Variants in MNX1 observed in about 807,000 individuals in gnomAD.
MNX1 encodes motor neuron and pancreas homeobox 1.
A neutral mutation model predicts 17.3 loss-of-function variants in MNX1; 2 were observed. That is an observed-to-expected ratio of 0.12 (90% CI 0.05 to 0.36). MNX1 has a LOEUF of 0.36. MNX1 is among the 10% of genes least tolerant of loss of function. MNX1 has a pLI of 1.00. For missense variants in MNX1, 556 were observed against 564.7 expected (o/e 0.98, Z 0.16); for synonymous variants, 306 against 283.1 (o/e 1.08, Z -0.81).
At chr7:157,009,518 A>T in intron 1 of MNX1, 142 bp downstream of exon 1, 2 of 1,451,970 alleles carry the variant, frequency 1.4e-6, no homozygotes, top group Non-Finnish European at 1.8e-6. Context: ...GAGTCCTCGC[A>T]GGCCCCGGGC....
intron 2 of MNX1, 87 bp from the exon 3 acceptor site, chr7:157,005,960 C>T (rs1040991501): frequency 2.9e-5 from 44 of 1,505,436 alleles, no homozygotes; most frequent in Non-Finnish European, 3.6e-5. Flanking sequence ...TGCGCCTGGG[C>T]CCCATTGGGT....
rs1449868793 is a variant in MNX1, at chr7:157,009,947, CCAGCGGCGG to C, written c.395_403del (p.Ala132_Ala134del). 2 of 534,914 alleles carry C rather than the reference CCAGCGGCGG, an allele frequency of 3.7e-6. No homozygotes were observed. Among genetic ancestry groups the C allele is most frequent in the Non-Finnish European group, 4.5e-6 (2 of 444,420 alleles). The allele number at this position is 534,914 out of a possible 1,614,324, so 33.1% of individuals were successfully genotyped here. A position where few individuals can be genotyped will look rare whatever the true frequency, so the allele number is the denominator to read the frequency against. On this transcript the variant is annotated inframe_deletion, in exon 1 of 3. Coordinates refer to ENST00000252971, the MANE Select transcript of MNX1 (RefSeq NM_005515.4). Reference sequence around the variant, plus strand: ...AGGGTGCAGCCCCAGCGCCAGGCCCCCAGCGGCGGCGGCGGCGGCGGCGGCGGCGGCAGC... The same window carrying C: ...AGGGTGCAGCCCCAGCGCCAGGCCCCCGGCGGCGGCGGCGGCGGCGGCAGC...
In MNX1 at chr7:157,005,386, G is replaced by C; in HGVS notation, c.*134C>G. On this transcript the variant is annotated 3_prime_UTR_variant, in exon 3 of 3. Coordinates refer to ENST00000252971, the MANE Select transcript of MNX1 (RefSeq NM_005515.4). ...GCCGAATCCCTCCAGCCCCGGCCTG[G>C]GCGAGGGGTCCATGGGGCGGCGGTC... The C allele has an allele frequency of 3.7e-6, 2 of 539,134 alleles. No homozygotes were observed. The highest frequency in any genetic ancestry group is 5.3e-6 in the Non-Finnish European group (2 of 378,906). The allele number at this position is 539,134 out of a possible 1,614,324, so 33.4% of individuals were successfully genotyped here.
At position 157,010,397 on chromosome 7, in the gene MNX1, G is replaced by A. The variant is rs1398392573; in HGVS notation, c.-47C>T. On this transcript the variant is annotated 5_prime_UTR_variant, in exon 1 of 3. Transcript: ENST00000252971. The stretch of plus-strand genomic sequence containing the variant: ...TCAGGGCCCGGTGGCGGGCGACGCG[G>A]CCGTGTGCGGGCTCGCGGAGTCAGT... 1 of 1,504,848 alleles carries A rather than the reference G, an allele frequency of 6.6e-7. No individual in the cohort carries two copies. The highest frequency in any genetic ancestry group is 9.0e-7 in the Non-Finnish European group (1 of 1,107,412). The allele number at this position is 1,504,848 out of a possible 1,614,324, so 93.2% of individuals were successfully genotyped here. A position where few individuals can be genotyped will look rare whatever the true frequency, so the allele number is the denominator to read the frequency against.
chr7:157,006,031 G>A lies in MNX1; in HGVS notation c.853-158C>T, dbSNP rs1229179268. ...AAGCAGAATGGGGAGGGGGCTCGTA[G>A]CTTCCTCCTCCCCGCAACCCCCCAC... On this transcript the variant is annotated intron_variant, in intron 2 of 2. Transcript: ENST00000252971. This position sits in a 1 kb window ranked among gnomAD's most constrained non-coding sequence, Gnocchi z 6.3. Among the ~76,000 whole-genome samples the A allele has an allele frequency of 6.6e-6, 1 of 152,142 alleles. No homozygotes were observed.
At position 157,005,299 on chromosome 7, in the gene MNX1, T is replaced by G; in HGVS notation, c.*221A>C. Reference sequence around the variant, plus strand: ...AGCCCCCTGGGTCTCCCTCTCGCTGTTTCTTGAAGAGCAGGTGAGGCGCCC... The same window carrying G: ...AGCCCCCTGGGTCTCCCTCTCGCTGGTTCTTGAAGAGCAGGTGAGGCGCCC... On this transcript the variant is annotated 3_prime_UTR_variant, in exon 3 of 3. Coordinates refer to ENST00000252971, the MANE Select transcript of MNX1 (RefSeq NM_005515.4). The G allele has an allele frequency of 3.6e-6, 1 of 280,160 alleles. No homozygotes were observed. Among genetic ancestry groups the G allele is most frequent in the Non-Finnish European group, 6.6e-6 (1 of 150,478 alleles). 17.4% of individuals were successfully genotyped at this position (280,160 alleles called of 1,614,324 possible). A position where few individuals can be genotyped will look rare whatever the true frequency, so the allele number is the denominator to read the frequency against.
rs1805696995 is a variant in MNX1 at position 157,010,538 on chromosome 7, G to A, written c.-188C>T. The A allele has an allele frequency of 7.4e-6, 3 of 403,356 alleles. No homozygotes were observed. The highest frequency in any genetic ancestry group is 1.3e-5 in the Non-Finnish European group (3 of 225,174). The allele number at this position is 403,356 out of a possible 1,614,324, so 25.0% of individuals were successfully genotyped here. On this transcript the variant is annotated 5_prime_UTR_variant, in exon 1 of 3. Coordinates refer to ENST00000252971, the MANE Select transcript of MNX1 (RefSeq NM_005515.4). ...CATGGTCCCGGCGCCTCCTCCGTGC[G>A]GGCCCCGCCCCGGGCCGCGCTCGCA...
At chr7:157,008,250 C>T (rs1456450210) in intron 1 of MNX1, 1 of 152,302 alleles carries the variant, frequency 6.6e-6, no homozygotes, top group Non-Finnish European at 1.5e-5. Context: ...CCGTGGGCAA[C>T]TTAGCGTCCT....
At position 157,009,628 on chromosome 7, in the gene MNX1, A is replaced by G. The variant is rs780917166; in HGVS notation, c.691+32T>C. On this transcript the variant is annotated intron_variant, in intron 1 of 2. Coordinates refer to ENST00000252971, the MANE Select transcript of MNX1 (RefSeq NM_005515.4). ...GGAGGATGCGCGAGGCCCTCCCGCC[A>G]CGCGCATCCACGGGGGCCGCAGGGT... 1.4e-5 allele frequency: 23 copies of G among 1,599,980 alleles called. No homozygotes were observed. In the South Asian group the frequency reaches 2.4e-4, roughly 17 times the overall value.
chr7:157,009,994 C>T lies in MNX1; in HGVS notation c.357G>A (p.Pro119=). Residue 119 remains proline, a synonymous_variant, in exon 1 of 3, where the codon CCG becomes CCA. Transcript: ENST00000252971. ...GHGGPHHHAH[P]GAAAAAAAAA... ...CGGCGGCGGCAGCGGCCGCTGCGCC[C>T]GGATGCGCGTGGTGGTGGGGCCCCC... 1.0e-6 allele frequency: 1 copy of T among 970,764 alleles called. No individual in the cohort carries two copies. The highest frequency in any genetic ancestry group is 4.7e-5 in the South Asian group (1 of 21,332). 60.1% of individuals were successfully genotyped at this position (970,764 alleles called of 1,614,324 possible). A position where few individuals can be genotyped will look rare whatever the true frequency, so the allele number is the denominator to read the frequency against.
In MNX1 at chr7:157,005,769, GCCC is replaced by G; in HGVS notation, c.954_956del (p.Gly319del). 1 of 1,609,528 alleles carries G rather than the reference GCCC, an allele frequency of 6.2e-7. No homozygotes were observed. Among genetic ancestry groups the G allele is most frequent in the Non-Finnish European group, 8.5e-7 (1 of 1,179,494 alleles). On this transcript the variant is annotated inframe_deletion, in exon 3 of 3. Coordinates refer to ENST00000252971, the MANE Select transcript of MNX1 (RefSeq NM_005515.4). ...GCTCCTCCGCGCCGCCCTTCCCCGC[GCCC>G]CCGCCGCCGCCCTTCTGTTTCTCCG...
At position 157,005,342 on chromosome 7, in the gene MNX1, G is replaced by T; in HGVS notation, c.*178C>A. The T allele has an allele frequency of 6.0e-6, 1 of 165,928 alleles. No homozygotes were observed. Among genetic ancestry groups the T allele is most frequent in the Non-Finnish European group, 8.9e-6 (1 of 112,468 alleles). The allele number at this position is 165,928 out of a possible 1,614,324, so 10.3% of individuals were successfully genotyped here. The stretch of plus-strand genomic sequence containing the variant: ...AGGCGCCCTTGCTTAAAAGGGAAGC[G>T]CCCAGGACCGGAGCCGCGGCCGAAT... On this transcript the variant is annotated 3_prime_UTR_variant, in exon 3 of 3. Coordinates refer to ENST00000252971, the MANE Select transcript of MNX1 (RefSeq NM_005515.4).
At chr7:157,008,725 C>G in intron 1 of MNX1, 1 of 488,662 alleles carries the variant, frequency 2.0e-6, no homozygotes, top group Non-Finnish European at 3.6e-6. Context: ...TTTGGGTGTT[C>G]GGCGGCTGAA....
chr7:157,010,362 G>C lies in MNX1; in HGVS notation c.-12C>G. 1 of 1,566,286 alleles carries C rather than the reference G, an allele frequency of 6.4e-7. No individual in the cohort carries two copies. The highest frequency in any genetic ancestry group is 8.6e-7 in the Non-Finnish European group (1 of 1,156,848). The stretch of plus-strand genomic sequence containing the variant: ...TTGGATTTTTCCATCGGCTCGTTTG[G>C]GGCTGGCGCTCAGGGCCCGGTGGCG... On this transcript the variant is annotated 5_prime_UTR_variant, in exon 1 of 3. Transcript: ENST00000252971.
At chr7:157,009,313 G>T (rs768160409) in intron 1 of MNX1, 4 of 1,413,414 alleles carry the variant, frequency 2.8e-6, no homozygotes, top group Non-Finnish European at 3.7e-6. Context: ...CCCCATTCCC[G>T]GGCCTGCCTA....
In MNX1 at chr7:157,005,437, G is replaced by A. The variant is rs1319663016; in HGVS notation, c.*83C>T. The A allele has an allele frequency of 2.0e-6, 2 of 1,020,802 alleles. No homozygotes were observed. Among genetic ancestry groups the A allele is most frequent in the Non-Finnish European group, 2.5e-6 (2 of 809,282 alleles). 63.2% of individuals were successfully genotyped at this position (1,020,802 alleles called of 1,614,324 possible). ...GAGCCTGCTCTCGGGGCCGGGCCGGGTGGGTGCGGGCGCCGGGGCCTCCGG... is the reference window on the plus strand; with the variant it reads ...GAGCCTGCTCTCGGGGCCGGGCCGGATGGGTGCGGGCGCCGGGGCCTCCGG... On this transcript the variant is annotated 3_prime_UTR_variant, in exon 3 of 3. Transcript: ENST00000252971.
In MNX1 at chr7:157,005,587, G is replaced by A. The variant is rs992402696; in HGVS notation, c.1139C>T (p.Ser380Phe). The A allele has an allele frequency of 1.3e-6, 2 of 1,597,570 alleles. No homozygotes were observed. Among genetic ancestry groups the A allele is most frequent in the African/African-American group, 1.4e-5 (1 of 73,856 alleles). Residue 380 changes from serine to phenylalanine, a missense_variant, in exon 3 of 3, where the codon TCC (serine) becomes TTC (phenylalanine). Ser to Phe is a radical substitution (Grantham distance 155). Coordinates refer to ENST00000252971, the MANE Select transcript of MNX1 (RefSeq NM_005515.4). ...GTCGTCCTCCGAGGAGCAGTCGGAGGAGGCGGCGTGGACGCTGGCGCCGTT... is the reference window on the plus strand; with the variant it reads ...GTCGTCCTCCGAGGAGCAGTCGGAGAAGGCGGCGTGGACGCTGGCGCCGTT... ...YSNGASVHAASSDCSSEDDSP... is the reference protein window; with the variant it reads ...YSNGASVHAAFSDCSSEDDSP...
chr7:157,007,534 C>G (rs1024286325), intron 1 of MNX1: 1 of 152,212 alleles, frequency 6.6e-6, no homozygotes, highest in African/African-American at 2.4e-5. Context: ...AGACTAGAAG[C>G]CTTTTCAGGA....
rs548755417 is a variant in MNX1, at chr7:157,009,949, AGCGGCGGCG to A, written c.393_401del (p.Ala132_Ala134del). The A allele has an allele frequency of 1.7e-4, 151 of 908,220 alleles. 1 individual carries two copies. The highest frequency in any genetic ancestry group is 1.5e-3 in the East Asian group (13 of 8,454). 56.3% of individuals were successfully genotyped at this position (908,220 alleles called of 1,614,324 possible). A position where few individuals can be genotyped will look rare whatever the true frequency, so the allele number is the denominator to read the frequency against. ...GGTGCAGCCCCAGCGCCAGGCCCCC[AGCGGCGGCG>A]GCGGCGGCGGCGGCGGCGGCAGCGG... On this transcript the variant is annotated inframe_deletion, in exon 1 of 3. Transcript: ENST00000252971.
Sources: gnomAD v4.1 joint callset for allele counts (sites outside exome capture counted in the v4.1 genomes callset) on GRCh38, gnomAD v4.1.1 for gene constraint, Gnocchi (gnomAD v3.1) non-coding constraint, MANE v1.5 for transcripts, NCBI Gene and HGNC (gene_info 2026-07-23, HGNC 2026-07-21) for gene names.